The following MTMR7 variants were observed in gnomAD, a reference collection of about 807,000 sequenced individuals.
MTMR7 encodes myotubularin related protein 7, also known as phosphatidylinositol-3-phosphate phosphatase MTMR7.
In MTMR7, 76 loss-of-function variants were observed where a neutral mutation model predicts 81.2. The ratio of observed to expected loss-of-function variants is 0.94; its 90% CI spans 0.78 to 1.13. The LOEUF (loss-of-function observed/expected upper bound fraction) is 1.13, where lower values mean the gene tolerates loss of function less well. Ranked by LOEUF, MTMR7 falls within the 50% of genes most tolerant of loss-of-function variation. The pLI is 0.00. For synonymous variants in MTMR7, 372 were observed against 289.8 expected (o/e 1.28, Z -2.88); for missense variants, 1,044 against 820.0 (o/e 1.27, Z -3.34).
At chr8:17,412,531 G>A (rs1230441977) in intron 1 of MTMR7, among the ~76,000 whole-genome samples, 1 of 152,160 alleles carries the variant, frequency 6.6e-6, no homozygotes, top group Non-Finnish European at 1.5e-5. Context: ...AGGAAGATTT[G>A]GTACAGCGAT....
At chr8:17,364,871 G>T (rs1157770290) in intron 3 of MTMR7, among the ~76,000 whole-genome samples, 1 of 152,178 alleles carries the variant, frequency 6.6e-6, no homozygotes, top group Non-Finnish European at 1.5e-5. Flanking sequence ...GTGCTGCAAC[G>T]AAAATGTGAG....
At chr8:17,335,407 C>G (rs1412282555) in intron 6 of MTMR7, among the ~76,000 whole-genome samples, 3 of 152,206 alleles carry the variant, frequency 2.0e-5, no homozygotes, top group South Asian at 4.1e-4. Flanking sequence ...CACCCTAACC[C>G]TGAATCAATC....
chr8:17,340,781 C>T (rs1017457509), intron 6 of MTMR7, among the ~76,000 whole-genome samples: 28 of 152,240 alleles, frequency 1.8e-4, no homozygotes, highest in Admixed American at 3.9e-4. Flanking sequence ...CCTCTACGTC[C>T]GCAAATCCTA....
chr8:17,394,528 G>C (rs1821193877), intron 1 of MTMR7, among the ~76,000 whole-genome samples: 1 of 152,120 alleles, frequency 6.6e-6, no homozygotes, highest in South Asian at 2.1e-4. Flanking sequence ...CCAGGGTGTA[G>C]GGAGAGAGAA....
intron 1 of MTMR7, among the ~76,000 whole-genome samples, chr8:17,406,920 G>T (rs1585128689): frequency 6.6e-6 from 1 of 152,108 alleles, no homozygotes; most frequent in South Asian, 2.1e-4. Context: ...CATATATAGA[G>T]ACAGAATGTA....
rs1816681939 is a variant in MTMR7, at chr8:17,296,817, TCTTTAAAGTTGAA to T, written c.*3032_*3044del. ...AGTAGTTCATCTCAGTGTTTTTTATTCTTTAAAGTTGAACTATCCCAGTTTCATTCTATACCAT... is the reference window on the plus strand; with the variant it reads ...AGTAGTTCATCTCAGTGTTTTTTATTCTATCCCAGTTTCATTCTATACCAT... On this transcript the variant is annotated 3_prime_UTR_variant, in exon 14 of 14. Coordinates refer to ENST00000180173, the MANE Select transcript of MTMR7 (RefSeq NM_004686.5). 2 of 152,222 alleles carry T rather than the reference TCTTTAAAGTTGAA, an allele frequency of 1.3e-5. No individual in the cohort carries two copies. Among genetic ancestry groups the T allele is most frequent in the South Asian group, 4.1e-4 (2 of 4,830 alleles). 9.4% of individuals were successfully genotyped at this position (152,222 alleles called of 1,614,324 possible).
At chr8:17,384,552 A>G (rs1820869857) in intron 1 of MTMR7, among the ~76,000 whole-genome samples, 2 of 152,258 alleles carry the variant, frequency 1.3e-5, no homozygotes, top group Non-Finnish European at 2.9e-5. Context: ...TGCAAAAAAT[A>G]TAAACTACCC....
intron 1 of MTMR7, among the ~76,000 whole-genome samples, chr8:17,409,009 AAT>A (rs1474173504): frequency 4.6e-5 from 7 of 152,290 alleles, no homozygotes; most frequent in Admixed American, 6.5e-5. Context: ...ATAATTGCAA[AAT>A]ATGTTTCATA....
At chr8:17,328,727 A>G (rs1045016519) in intron 7 of MTMR7, among the ~76,000 whole-genome samples, 1 of 152,206 alleles carries the variant, frequency 6.6e-6, no homozygotes, top group Non-Finnish European at 1.5e-5. Flanking sequence ...TTAAATAAAA[A>G]AAGAAAATAC....
At position 17,361,069 on chromosome 8, in the gene MTMR7, G is replaced by A. The variant is rs747736853; in HGVS notation, c.468+48C>T. 70 of 1,604,148 alleles carry A rather than the reference G, an allele frequency of 4.4e-5. No individual in the cohort carries two copies. The South Asian group carries it at 7.4e-4, about 17-fold the overall frequency. Reference sequence around the variant, plus strand: ...AAAATAAAGGGATGCTAAGCTGGCTGAAACCCTAATTTCATGCGGCTTCAG... The same window carrying A: ...AAAATAAAGGGATGCTAAGCTGGCTAAAACCCTAATTTCATGCGGCTTCAG... On this transcript the variant is annotated intron_variant, in intron 4 of 13. Transcript: ENST00000180173.
chr8:17,407,387 G>C (rs1181905292), intron 1 of MTMR7, among the ~76,000 whole-genome samples: 1 of 152,076 alleles, frequency 6.6e-6, no homozygotes, highest in Non-Finnish European at 1.5e-5. Context: ...TTCTATTAAT[G>C]AAAGTGTTAA....
chr8:17,365,726 A>C (rs1031939358), intron 3 of MTMR7, among the ~76,000 whole-genome samples: 1 of 151,518 alleles, frequency 6.6e-6, no homozygotes, highest in Non-Finnish European at 1.5e-5. Flanking sequence ...CATTCAGAAA[A>C]AGTTAAGTGG....
rs1207226359 is a variant in MTMR7, at chr8:17,297,959, C to G, written c.*1903G>C. 1.3e-5 allele frequency: 2 copies of G among 152,016 alleles called. No homozygotes were observed. The highest frequency in any genetic ancestry group is 2.9e-5 in the Non-Finnish European group (2 of 67,902). The allele number at this position is 152,016 out of a possible 1,614,324, so 9.4% of individuals were successfully genotyped here. A position where few individuals can be genotyped will look rare whatever the true frequency, so the allele number is the denominator to read the frequency against. On this transcript the variant is annotated 3_prime_UTR_variant, in exon 14 of 14. Transcript: ENST00000180173. ...TGGAAGTTGTCATATTAAAAAACTA[C>G]ATTTTAAAACATCAAATATTTATAC...
At chr8:17,322,950 CTTTTTT>C (rs58584179) in intron 7 of MTMR7, among the ~76,000 whole-genome samples, 1 of 125,776 alleles carries the variant, frequency 8.0e-6, no homozygotes, top group Non-Finnish European at 1.6e-5. Context: ...ATTGAATTAT[CTTTTTT>C]TTTTTTTTTT....
rs527536030 is a variant in MTMR7, at chr8:17,318,590, C to G, written c.866-5189G>C. On this transcript the variant is annotated intron_variant, in intron 7 of 13. Coordinates refer to ENST00000180173, the MANE Select transcript of MTMR7 (RefSeq NM_004686.5). The stretch of plus-strand genomic sequence containing the variant: ...TTCCAGGAGGAATCGCTGTTGGCCA[C>G]TGCAGTGGGGTCCTACCGCATCATG... Among the ~76,000 whole-genome samples the G allele has an allele frequency of 2.0e-5, 3 of 152,316 alleles. No individual in the cohort carries two copies. In the East Asian group the frequency reaches 5.8e-4, roughly 29 times the overall value.
intron 1 of MTMR7, 81 bp from the exon 2 acceptor site, chr8:17,373,321 A>C: frequency 2.1e-5 from 31 of 1,468,932 alleles, no homozygotes; most frequent in African/African-American, 4.3e-5. Flanking sequence ...GGGTAAACTC[A>C]CACTTACTCC....
At chr8:17,390,101 G>A (rs1406360706) in intron 1 of MTMR7, among the ~76,000 whole-genome samples, 2 of 151,566 alleles carry the variant, frequency 1.3e-5, no homozygotes, top group Non-Finnish European at 2.9e-5. Context: ...AATCCCTCAT[G>A]TATTAGCCTG....
chr8:17,374,106 A>G (rs748881183), intron 1 of MTMR7, among the ~76,000 whole-genome samples: 3 of 152,188 alleles, frequency 2.0e-5, no homozygotes, highest in Admixed American at 6.5e-5. Context: ...GCAGAGAAAC[A>G]CTGACTCATC....
At chr8:17,402,654 T>G (rs1463813151) in intron 1 of MTMR7, among the ~76,000 whole-genome samples, 2 of 152,234 alleles carry the variant, frequency 1.3e-5, no homozygotes, top group Non-Finnish European at 2.9e-5. Flanking sequence ...TCTTTATACA[T>G]TCGTCTGTTG....
Sources: gnomAD v4.1 joint callset for allele counts (sites outside exome capture counted in the v4.1 genomes callset) on GRCh38, gnomAD v4.1.1 for gene constraint, MANE v1.5 for transcripts, NCBI Gene and HGNC (gene_info 2026-07-23, HGNC 2026-07-21) for gene names.